Variants in NFKBIZ observed in about 807,000 individuals in gnomAD.
NFKBIZ encodes the protein NFKB inhibitor zeta.
Under a neutral mutation model 76.8 loss-of-function variants are expected in NFKBIZ, and 19 were observed. The ratio of observed to expected loss-of-function variants is 0.25; its 90% confidence interval spans 0.17 to 0.36. The LOEUF (loss-of-function observed/expected upper bound fraction) is 0.36. Ranked by LOEUF, NFKBIZ falls within the 10% of genes least tolerant of loss-of-function variation. NFKBIZ has a pLI of 1.00. For synonymous variants in NFKBIZ, 368 were observed against 354.8 expected (o/e 1.04, Z -0.42); for missense variants, 829 against 910.9 (o/e 0.91, Z 1.16).
chr3:101,854,883 A>C (rs1943026292), intron 6 of NFKBIZ, among the ~76,000 whole-genome samples, 179 bp from the exon 7 acceptor site: 2 of 152,180 alleles, frequency 1.3e-5, no homozygotes, highest in South Asian at 4.1e-4. Context: ...AAACACTGAG[A>C]GTAATAAAGC....
In NFKBIZ at chr3:101,853,017, T is replaced by C. The variant is rs1576815784; in HGVS notation, c.564+28T>C. The C allele has an allele frequency of 3.7e-6, 6 of 1,613,186 alleles. 1 individual carries two copies. The highest frequency in any genetic ancestry group is 4.2e-6 in the Non-Finnish European group (5 of 1,179,394). On this transcript the variant is annotated intron_variant, in intron 4 of 11. Coordinates refer to ENST00000326172, the MANE Select transcript of NFKBIZ (RefSeq NM_031419.4). The stretch of plus-strand genomic sequence containing the variant: ...AAGTATCTCACCATTTTCCTCTGAC[T>C]ATCCTTTGGAAATTATTCCTGGGAT...
At chr3:101,834,853 C>T (rs544586068) in intron 2 of NFKBIZ, among the ~76,000 whole-genome samples, 12 of 152,256 alleles carry the variant, frequency 7.9e-5, no homozygotes, top group Admixed American at 6.5e-5. Flanking sequence ...TTATCTTGTT[C>T]GAAACCCCTG....
chr3:101,830,864 CAAT>C (rs751607201), intron 2 of NFKBIZ, among the ~76,000 whole-genome samples: 40 of 152,050 alleles, frequency 2.6e-4, no homozygotes, highest in Middle Eastern at 3.2e-3. Context: ...TTATATTAAA[CAAT>C]AATCACAATG....
chr3:101,844,284 A>G (rs1286662489), intron 2 of NFKBIZ, among the ~76,000 whole-genome samples: 1 of 152,252 alleles, frequency 6.6e-6, no homozygotes, highest in Non-Finnish European at 1.5e-5. Flanking sequence ...CACATAAAAT[A>G]TTAAAATGAT....
intron 2 of NFKBIZ, among the ~76,000 whole-genome samples, chr3:101,841,067 ATGTGCAAACCTTT>A (rs1429816610): frequency 1.3e-5 from 2 of 152,204 alleles, no homozygotes; most frequent in African/African-American, 4.8e-5. Flanking sequence ...ATGTTCTGAG[ATGTGCAAACCTTT>A]TGCTAATTCA....
chr3:101,853,337 C>T lies in NFKBIZ; in HGVS notation c.811C>T (p.Pro271Ser). 1 of 1,614,182 alleles carries T rather than the reference C, an allele frequency of 6.2e-7. No individual in the cohort carries two copies. Among genetic ancestry groups the T allele is most frequent in the Non-Finnish European group, 8.5e-7 (1 of 1,180,044 alleles). The change falls in exon 5 of 12, where the codon CCA becomes TCA. Residue 271 changes from proline (P) to serine (S), a missense_variant. Pro to Ser is a moderately conservative substitution (Grantham distance 74). Transcript: ENST00000326172. The stretch of plus-strand genomic sequence containing the variant: ...CTTTTCTCCACCTCAGAAATGCCAA[C>T]CATTCCAAGTCAGGGGCTCCCAACA... ...QVFSPPQKCQ[P>S]FQVRGSQQMI...
chr3:101,837,265 T>C (rs1317733349), intron 2 of NFKBIZ, among the ~76,000 whole-genome samples: 2 of 151,972 alleles, frequency 1.3e-5, no homozygotes, highest in Admixed American at 6.6e-5. Flanking sequence ...ACTCAGTAAA[T>C]CTAGCTTTTC....
chr3:101,856,943 G>T, intron 9 of NFKBIZ, 130 bp from the exon 10 acceptor site: 1 of 656,378 alleles, frequency 1.5e-6, no homozygotes, highest in South Asian at 2.0e-5. Flanking sequence ...AAGGCATTTT[G>T]GAGAAGGGAG....
In NFKBIZ at chr3:101,853,548, T is replaced by C. The variant is rs371473438; in HGVS notation, c.1022T>C (p.Val341Ala). 5 of 1,614,120 alleles carry C rather than the reference T, an allele frequency of 3.1e-6. No homozygotes were observed. In the African/African-American group the frequency reaches 5.3e-5, roughly 17 times the overall value. The part of the protein sequence containing the change: ...ESQFCPNQSL[V>A]SLLGDQRESE... ...CAGTTTTGCCCAAACCAAAGCTTAG[T>C]TTCCCTTCTTGGTGATCAAAGGGAA... The change falls in exon 5 of 12, where the codon GTT (valine) becomes GCT (alanine). Residue 341 changes from valine (V) to alanine (A), a missense_variant. By Grantham distance (64) the Val-to-Ala change is moderately conservative. Transcript: ENST00000326172.
At chr3:101,856,114 G>A (rs561920081) in intron 9 of NFKBIZ, 36 of 321,338 alleles carry the variant, frequency 1.1e-4, no homozygotes, top group Admixed American at 3.7e-4. Flanking sequence ...GCAGTGGTGC[G>A]ATCTTGGCTC....
upstream of NFKBIZ, among the ~76,000 whole-genome samples, chr3:101,844,783 T>A (rs1205600864): frequency 6.6e-6 from 1 of 152,244 alleles, no homozygotes; most frequent in Non-Finnish European, 1.5e-5. Flanking sequence ...TTTTGCTGAC[T>A]TTTCATCTAG....
At chr3:101,856,349 C>T (rs1943049805) in intron 9 of NFKBIZ, among the ~76,000 whole-genome samples, 1 of 152,188 alleles carries the variant, frequency 6.6e-6, no homozygotes, top group Non-Finnish European at 1.5e-5. Flanking sequence ...CGCGCCCGGC[C>T]AAGAAGCCCA....
intron 2 of NFKBIZ, among the ~76,000 whole-genome samples, chr3:101,839,104 C>T (rs1329972529): frequency 2.0e-5 from 3 of 151,912 alleles, no homozygotes; most frequent in Non-Finnish European, 4.4e-5. Context: ...CTGATTTCTC[C>T]TCAGATCTTA....
intron 2 of NFKBIZ, among the ~76,000 whole-genome samples, chr3:101,842,592 CTTTT>C (rs573749526): frequency 1.5e-5 from 2 of 130,340 alleles, no homozygotes; most frequent in Non-Finnish European, 1.7e-5. Flanking sequence ...CTTTTCTTTT[CTTTT>C]TTTTTTTTTT....
At chr3:101,849,946 C>G (rs572831094) in intron 1 of NFKBIZ, 29 bp downstream of exon 1, 3 of 1,361,958 alleles carry the variant, frequency 2.2e-6, no homozygotes, top group Non-Finnish European at 2.8e-6. Context: ...CCGCTGCGTA[C>G]TCGGGGCGCG....
At chr3:101,849,980 G>C in intron 1 of NFKBIZ, 63 bp downstream of exon 1, 1 of 1,315,160 alleles carries the variant, frequency 7.6e-7, no homozygotes, top group African/African-American at 1.5e-5. Context: ...TTGGGAGCGG[G>C]ACTCCCCAGA....
chr3:101,855,583 A>G (rs1460872921), intron 8 of NFKBIZ, 125 bp downstream of exon 8: 10 of 1,248,424 alleles, frequency 8.0e-6, no homozygotes, highest in Non-Finnish European at 1.1e-5. Context: ...AATTAGACCC[A>G]AAAAGAGACA....
At chr3:101,846,428 G>T (rs1942853285), upstream of NFKBIZ, among the ~76,000 whole-genome samples, 1 of 152,148 alleles carries the variant, frequency 6.6e-6, no homozygotes, top group Admixed American at 6.5e-5. Context: ...GTATGGGAGG[G>T]CTTCTGGGCA....
chr3:101,834,974 T>G (rs1942697236), intron 2 of NFKBIZ, among the ~76,000 whole-genome samples: 1 of 152,212 alleles, frequency 6.6e-6, no homozygotes, highest in Non-Finnish European at 1.5e-5. Context: ...CTCTTCAAGT[T>G]GGGCCGATGG....
Sources: gnomAD v4.1 joint callset for allele counts (sites outside exome capture counted in the v4.1 genomes callset) on GRCh38, gnomAD v4.1.1 for gene constraint, MANE v1.5 for transcripts, NCBI Gene and HGNC (gene_info 2026-07-23, HGNC 2026-07-21) for gene names.